EVPL: variants seen among roughly 807,000 people sequenced by gnomAD.
The protein encoded by EVPL is 210 kDa cornified envelope precursor protein.
Under a neutral mutation model 129.7 loss-of-function variants are expected in EVPL, and 94 were observed. That is an observed-to-expected ratio of 0.72 (90% CI 0.61 to 0.86). The LOEUF (loss-of-function observed/expected upper bound fraction) is 0.86, where lower values mean the gene tolerates loss of function less well. EVPL is among the 40% of genes least tolerant of loss of function. The probability of loss-of-function intolerance (pLI) is 0.00; values close to 1 mark genes in which losing one functional copy is unlikely to be tolerated. For missense variants in EVPL, 2,625 were observed against 2,721.1 expected (o/e 0.96, Z 0.79); for synonymous variants, 1,172 against 1,191.1 (o/e 0.98, Z 0.33).
rs777479943 is a variant in EVPL at position 76,008,720 on chromosome 17, C to G, written c.4485G>C (p.Leu1495=). 3 of 1,613,940 alleles carry G rather than the reference C, an allele frequency of 1.9e-6. No individual in the cohort carries two copies. The highest frequency in any genetic ancestry group is 2.5e-6 in the Non-Finnish European group (3 of 1,180,042). ...LDQEKTQVTE[L]NRECKNLQVQ... ...CCTGCAGGTTCTTGCACTCCCGATT[C>G]AGCTCGGTTACCTGGGTCTTCTCCT... Residue 1495 remains leucine, a synonymous_variant, in exon 22 of 22, where the codon CTG becomes CTC. Coordinates refer to ENST00000301607, the MANE Select transcript of EVPL (RefSeq NM_001988.4). This position sits in a 1 kb window ranked among gnomAD's most constrained non-coding sequence, Gnocchi z 7.4.
chr17:76,010,077 C>A lies in EVPL; in HGVS notation c.3128G>T (p.Arg1043Leu). Reference protein sequence around the residue: ...AQLRIQIQQLRGEDAVISARL... With the variant: ...AQLRIQIQQLLGEDAVISARL... ...GGCCGAGATGACGGCATCCTCCCCG[C>A]GGAGCTGCTGGATCTGGATCCTGAG... Residue 1043 changes from arginine (R) to leucine (L), a missense_variant, in exon 22 of 22, where the codon CGC becomes CTC. Physicochemically the swap from Arg to Leu is moderately radical, Grantham distance 102. This residue lies in a region of EVPL where 1,453 missense variants were observed against 1,511.8 expected (regional missense o/e 0.96). Transcript: ENST00000301607. The A allele has an allele frequency of 1.2e-6, 2 of 1,613,674 alleles. No homozygotes were observed. The highest frequency in any genetic ancestry group is 1.1e-5 in the South Asian group (1 of 91,082).
intron 18 of EVPL, chr17:76,012,307 TTCC>T (rs2066383769): frequency 2.4e-6 from 1 of 414,338 alleles, no homozygotes; most frequent in African/African-American, 4.8e-5. Flanking sequence ...ATCCCTTTCT[TTCC>T]TTTTTTTTTT....
Position 76,022,324 on chromosome 17 carries a change from C to T in EVPL, c.606+89G>A. 2 of 1,582,888 alleles carry T rather than the reference C, an allele frequency of 1.3e-6. No individual in the cohort carries two copies. The highest frequency in any genetic ancestry group is 1.7e-6 in the Non-Finnish European group (2 of 1,159,238). On this transcript the variant is annotated intron_variant, in intron 5 of 21. Transcript: ENST00000301607. The surrounding 1 kb of genome is among the most constrained non-coding windows in gnomAD (Gnocchi z 5.6). The stretch of plus-strand genomic sequence containing the variant: ...CCAGCCATACCCCACCCACCCCTAT[C>T]CCCAGGGCCCAGCCGATCTAGCTCC...
chr17:76,010,931 G>A (rs186231125), intron 21 of EVPL, among the ~76,000 whole-genome samples: 6 of 152,276 alleles, frequency 3.9e-5, no homozygotes, highest in Admixed American at 2.0e-4. Context: ...GCGTGGTGAC[G>A]CATGCCTGTA....
In EVPL at chr17:76,017,655, T is replaced by C. The variant is rs1290895248; in HGVS notation, c.1710+84A>G. 1.9e-6 allele frequency: 3 copies of C among 1,541,012 alleles called. No homozygotes were observed. In the African/African-American group the frequency reaches 4.1e-5, roughly 21 times the overall value. On this transcript the variant is annotated intron_variant, in intron 14 of 21. Transcript: ENST00000301607. Reference sequence around the variant, plus strand: ...CCATCTCCATCCCAGCCACCGCTCCTGCACTTGCCTCACCTCCCTCAAGTG... The same window carrying C: ...CCATCTCCATCCCAGCCACCGCTCCCGCACTTGCCTCACCTCCCTCAAGTG...
Position 76,022,346 on chromosome 17 carries a change from C to T in EVPL, c.606+67G>A. ...TATCCCCAGGGCCCAGCCGATCTAG[C>T]TCCGGCTCTGACTGGAGAAACGGGC... On this transcript the variant is annotated intron_variant, in intron 5 of 21. Transcript: ENST00000301607. This position sits in a 1 kb window ranked among gnomAD's most constrained non-coding sequence, Gnocchi z 5.6. 1 of 1,608,450 alleles carries T rather than the reference C, an allele frequency of 6.2e-7. No homozygotes were observed. Among genetic ancestry groups the T allele is most frequent in the Non-Finnish European group, 8.5e-7 (1 of 1,177,470 alleles).
In EVPL at chr17:76,007,188, C is replaced by A; in HGVS notation, c.6017G>T (p.Ser2006Ile). The A allele has an allele frequency of 6.5e-7, 1 of 1,531,748 alleles. No individual in the cohort carries two copies. The highest frequency in any genetic ancestry group is 8.8e-7 in the Non-Finnish European group (1 of 1,137,704). The allele number at this position is 1,531,748 out of a possible 1,614,324, so 94.9% of individuals were successfully genotyped here. ...TGCCGCTGGCAGGAGCAGCAGGCCGCTCAGGGGGTCTTTGCGGCAGCGGCC... is the reference window on the plus strand; with the variant it reads ...TGCCGCTGGCAGGAGCAGCAGGCCGATCAGGGGGTCTTTGCGGCAGCGGCC... Reference protein sequence around the residue: ...AMGRCRKDPLSGLLLLPAALE... With the variant: ...AMGRCRKDPLIGLLLLPAALE... The change falls in exon 22 of 22, where the codon AGC becomes ATC. Residue 2006 changes from serine to isoleucine, a missense_variant. Ser to Ile is a moderately radical substitution (Grantham distance 142). This residue lies in a region of EVPL where 1,453 missense variants were observed against 1,511.8 expected (regional missense o/e 0.96). Coordinates refer to ENST00000301607, the MANE Select transcript of EVPL (RefSeq NM_001988.4). The surrounding 1 kb of genome is among the most constrained non-coding windows in gnomAD (Gnocchi z 8.8).
intron 9 of EVPL, among the ~76,000 whole-genome samples, chr17:76,020,676 C>G (rs1287001281): frequency 6.6e-6 from 1 of 151,612 alleles, no homozygotes; most frequent in Admixed American, 6.6e-5. Context: ...TTAATTTCCC[C>G]CCACCTCATC....
intron 9 of EVPL, among the ~76,000 whole-genome samples, chr17:76,021,118 C>A (rs2066453998): frequency 1.3e-5 from 2 of 152,098 alleles, no homozygotes; most frequent in Admixed American, 6.5e-5. Flanking sequence ...TGCAGTGGAC[C>A]AATCTCGGCC....
rs2066320215 is a variant in EVPL, at chr17:76,006,922, TGGGGATGGATCAGGCACCAAGGTTA to T, written c.*156_*180del. The T allele has an allele frequency of 3.4e-5, 20 of 584,496 alleles. No individual in the cohort carries two copies. The highest frequency in any genetic ancestry group is 5.1e-5 in the Non-Finnish European group (20 of 390,486). The allele number at this position is 584,496 out of a possible 1,614,324, so 36.2% of individuals were successfully genotyped here. A position where few individuals can be genotyped will look rare whatever the true frequency, so the allele number is the denominator to read the frequency against. On this transcript the variant is annotated 3_prime_UTR_variant, in exon 22 of 22. Transcript: ENST00000301607. ...GAACTGAGTGGCTGCTGTCCTGGTC[TGGGGATGGATCAGGCACCAAGGTTA>T]GGGGAGGGAGCCCATCACCATGTTA...
At position 76,018,926 on chromosome 17, in the gene EVPL, C is replaced by G; in HGVS notation, c.1272G>C (p.Trp424Cys). The G allele has an allele frequency of 6.5e-7, 1 of 1,535,238 alleles. No individual in the cohort carries two copies. The highest frequency in any genetic ancestry group is 8.7e-7 in the Non-Finnish European group (1 of 1,143,572). The change falls in exon 11 of 22, where the codon TGG becomes TGC. Residue 424 changes from tryptophan to cysteine, a missense_variant. Physicochemically the swap from Trp to Cys is radical, Grantham distance 215. Transcript: ENST00000301607. Reference sequence around the variant, plus strand: ...GGGGAGTTCGCACTTCTCCTGAGTCCCAGTCGCAGATGCTGTCCACGTGCA... The same window carrying G: ...GGGGAGTTCGCACTTCTCCTGAGTCGCAGTCGCAGATGCTGTCCACGTGCA... ...QPLHVDSICD[W>C]DSGEVQLLQG...
intron 18 of EVPL, among the ~76,000 whole-genome samples, chr17:76,012,978 T>TCA (rs1337623688): frequency 1.3e-5 from 2 of 151,208 alleles, no homozygotes; most frequent in East Asian, 2.0e-4. Context: ...TCTCCTGACC[T>TCA]TGTGATCCGC....
At chr17:76,025,968 G>A (rs750041490) in intron 1 of EVPL, among the ~76,000 whole-genome samples, 1 of 152,228 alleles carries the variant, frequency 6.6e-6, no homozygotes, top group Non-Finnish European at 1.5e-5. Flanking sequence ...AACAGACAGG[G>A]TCTTGCTCTG....
At position 76,007,616 on chromosome 17, in the gene EVPL, C is replaced by T. The variant is rs77301023; in HGVS notation, c.5589G>A (p.Ala1863=). ...ITGQKLLEAQ[A]ATGGIVDLLS... ...GCAGGTCCACGATGCCCCCTGTGGC[C>T]GCCTGGGCCTCCAGTAGCTTCTGCC... Residue 1863 remains alanine (A), a synonymous_variant, in exon 22 of 22, where the codon GCG becomes GCA. Transcript: ENST00000301607. This position sits in a 1 kb window ranked among gnomAD's most constrained non-coding sequence, Gnocchi z 8.8. 7.4e-6 allele frequency: 12 copies of T among 1,613,808 alleles called. No individual in the cohort carries two copies. Among genetic ancestry groups the T allele is most frequent in the South Asian group, 1.1e-5 (1 of 91,088 alleles).
At chr17:76,014,868 G>A in intron 17 of EVPL, 48 bp downstream of exon 17, 1 of 1,517,570 alleles carries the variant, frequency 6.6e-7, no homozygotes, top group South Asian at 1.2e-5. Flanking sequence ...AGCAATGCCT[G>A]GCTCTGCACC....
Position 76,008,966 on chromosome 17 carries a change from C to T in EVPL, c.4239G>A (p.Arg1413=), listed in dbSNP as rs267605056. ...GGCCCTCCTGCTCCTCCACGCCGGC[C>T]CGCAGCTGCTGCACCTCAAGCTCTA... ...RQLELEVQQL[R]AGVEEQEGLL... The change falls in exon 22 of 22, where the codon CGG becomes CGA. Residue 1413 remains arginine (R), a synonymous_variant. Coordinates refer to ENST00000301607, the MANE Select transcript of EVPL (RefSeq NM_001988.4). The surrounding 1 kb of genome is among the most constrained non-coding windows in gnomAD (Gnocchi z 7.4). 2.6e-5 allele frequency: 42 copies of T among 1,611,596 alleles called. No homozygotes were observed. The highest frequency in any genetic ancestry group is 3.6e-5 in the Non-Finnish European group (42 of 1,179,952).
rs201833287 is a variant in EVPL, at chr17:76,007,128, G to T, written c.6077C>A (p.Pro2026His). The change falls in exon 22 of 22, where the codon CCC (proline) becomes CAC (histidine). Residue 2026 changes from proline to histidine, a missense_variant. Pro to His is a moderately conservative substitution (Grantham distance 77, BLOSUM62 -2). Coordinates refer to ENST00000301607, the MANE Select transcript of EVPL (RefSeq NM_001988.4). This position sits in a 1 kb window ranked among gnomAD's most constrained non-coding sequence, Gnocchi z 8.8. ...TCAGCGAAGGGAGCGCGGGACGGTG[G>T]GGGAGGCGGAGCGGTAGCAGCGGTA... ...EGYRCYRSAS[P>H]TVPRSLR is the part of the protein sequence containing the mutation. 1.4e-4 allele frequency: 209 copies of T among 1,488,080 alleles called. 1 individual carries two copies. The highest frequency in any genetic ancestry group is 1.3e-3 in the Admixed American group (57 of 43,546). The allele number at this position is 1,488,080 out of a possible 1,614,324, so 92.2% of individuals were successfully genotyped here.
At chr17:76,020,066 T>G (rs1180088692) in intron 9 of EVPL, among the ~76,000 whole-genome samples, 1 of 151,490 alleles carries the variant, frequency 6.6e-6, no homozygotes, top group Non-Finnish European at 1.5e-5. Context: ...TTAAACCAGA[T>G]AAACCTAAAC....
At position 76,008,546 on chromosome 17, in the gene EVPL, C is replaced by A; in HGVS notation, c.4659G>T (p.Arg1553=). Residue 1553 remains arginine, a synonymous_variant, in exon 22 of 22, where the codon CGG becomes CGT. Coordinates refer to ENST00000301607, the MANE Select transcript of EVPL (RefSeq NM_001988.4). The surrounding 1 kb of genome is among the most constrained non-coding windows in gnomAD (Gnocchi z 7.4). ...LNRERTARQA[R]EEEARRLRER... ...CCCGCAGGCGCCGTGCCTCCTCCTC[C>A]CGGGCCTGCCGGGCCGTGCGCTCCC... The A allele has an allele frequency of 3.1e-6, 5 of 1,608,264 alleles. No homozygotes were observed. The highest frequency in any genetic ancestry group is 4.2e-6 in the Non-Finnish European group (5 of 1,179,708).
Sources: allele counts gnomAD v4.1 joint callset (sites outside exome capture counted in the v4.1 genomes callset), GRCh38; gene constraint gnomAD v4.1.1; regional missense constraint gnomAD v4.1.1; non-coding constraint Gnocchi (gnomAD v3.1); transcripts MANE v1.5; gene names NCBI Gene and HGNC (gene_info 2026-07-23, HGNC 2026-07-21).